HSPD1: variants seen among roughly 807,000 people sequenced by gnomAD.
HSPD1 encodes the protein 60 kDa heat shock protein, mitochondrial.
A neutral mutation model predicts 53.0 loss-of-function variants in HSPD1; 3 were observed. The ratio of observed to expected loss-of-function variants is 0.06; its 90% CI spans 0.03 to 0.15. The LOEUF (loss-of-function observed/expected upper bound fraction) is 0.15, where lower values mean the gene tolerates loss of function less well. Ranked by LOEUF, HSPD1 falls within the 10% of genes least tolerant of loss-of-function variation. The probability of loss-of-function intolerance (pLI) is 1.00; values close to 1 mark genes in which losing one functional copy is unlikely to be tolerated. For synonymous variants in HSPD1, 200 were observed against 228.0 expected (o/e 0.88, Z 1.10); for missense variants, 431 against 694.1 (o/e 0.62, Z 4.26).
Position 197,489,224 on chromosome 2 carries a change from G to C in HSPD1, c.993C>G (p.Thr331=), listed in dbSNP as rs200655333. 1.4e-5 allele frequency: 22 copies of C among 1,614,052 alleles called. No individual in the cohort carries two copies. The highest frequency in any genetic ancestry group is 1.1e-4 in the African/African-American group (8 of 75,016). The change falls in exon 9 of 12, where the codon ACC becomes ACG. Residue 331 remains threonine (T), a synonymous_variant. Transcript: ENST00000388968. ...GGAVFGEEGL[T]LNLEDVQPHD... ...GAGGCTGAACGTCTTCAAGATTCAG[G>C]GTCAATCCCTCTTCTCCAAACACCT...
chr2:197,493,601 G>A (rs2086120606), intron 6 of HSPD1, 109 bp from the exon 7 acceptor site: 1 of 793,690 alleles, frequency 1.3e-6, no homozygotes, highest in African/African-American at 1.7e-5. Flanking sequence ...CAGTGAGTTG[G>A]TTTTCCTCCT....
chr2:197,489,700 T>TA (rs2086067729), intron 8 of HSPD1, among the ~76,000 whole-genome samples: 1 of 151,670 alleles, frequency 6.6e-6, no homozygotes, highest in African/African-American at 2.4e-5. Context: ...TTACTAAAAG[T>TA]AAAAAAATTA....
intron 5 of HSPD1, 188 bp downstream of exon 5, chr2:197,494,469 T>C: frequency 4.8e-6 from 3 of 631,230 alleles, no homozygotes; most frequent in Non-Finnish European, 8.5e-6. Flanking sequence ...CAGCAAAGGC[T>C]AATTCACATA....
At chr2:197,488,057 A>C (rs2086047865) in intron 10 of HSPD1, 21 bp from the exon 11 acceptor site, 1 of 1,498,590 alleles carries the variant, frequency 6.7e-7, no homozygotes, top group Non-Finnish European at 9.2e-7. Context: ...ATTTCAGCAA[A>C]ATTTTAATAC....
Position 197,487,937 on chromosome 2 carries a change from C to T in HSPD1, c.1490G>A (p.Ser497Asn), listed in dbSNP as rs765737756. Residue 497 changes from serine (S) to asparagine (N), a missense_variant, in exon 11 of 12, where the codon AGT becomes AAT. Coordinates refer to ENST00000388968, the MANE Select transcript of HSPD1 (RefSeq NM_002156.5). ...AGCATCATAACCAACTTCTGAGGAA[C>T]TTTGCATAATTTTCTCAACTATCAA... is the stretch of plus-strand genomic sequence containing the variant. Reference protein sequence around the residue: ...GSLIVEKIMQSSSEVGYDAMA... With the variant: ...GSLIVEKIMQNSSEVGYDAMA... The T allele has an allele frequency of 3.7e-6, 6 of 1,613,530 alleles. No individual in the cohort carries two copies. Among genetic ancestry groups the T allele is most frequent in the Non-Finnish European group, 1.7e-6 (2 of 1,179,458 alleles).
intron 3 of HSPD1, among the ~76,000 whole-genome samples, chr2:197,496,159 T>C (rs1295223073): frequency 6.6e-6 from 1 of 152,234 alleles, no homozygotes; most frequent in Non-Finnish European, 1.5e-5. Flanking sequence ...GTACGTATTA[T>C]GAACTAACAA....
At chr2:197,496,921 G>A in intron 3 of HSPD1, 3 of 571,814 alleles carry the variant, frequency 5.2e-6, no homozygotes, top group Non-Finnish European at 9.4e-6. Context: ...AAAAACAAAA[G>A]AAACCAACTA....
At chr2:197,491,392 C>A (rs9941536) in intron 7 of HSPD1, among the ~76,000 whole-genome samples, 1 of 152,004 alleles carries the variant, frequency 6.6e-6, no homozygotes, top group Non-Finnish European at 1.5e-5. Context: ...CATCTCCTGA[C>A]CTCATGATCC....
Position 197,493,370 on chromosome 2 carries a change from C to T in HSPD1, c.823G>A (p.Ala275Thr), listed in dbSNP as rs953604247. ...AGAGCTTCTCCATCAACATCTTCAG[C>T]GATTATGACCAAAGGCTTACGGTGA... ...NAHRKPLVIIAEDVDGEALST... is the reference protein window; with the variant it reads ...NAHRKPLVIITEDVDGEALST... The change falls in exon 7 of 12, where the codon GCT becomes ACT. Residue 275 changes from alanine to threonine, a missense_variant. This residue lies in a region of HSPD1 where 386 missense variants were observed against 657.6 expected (regional missense o/e 0.59). Transcript: ENST00000388968. 14 of 1,613,524 alleles carry T rather than the reference C, an allele frequency of 8.7e-6. No individual in the cohort carries two copies. Among genetic ancestry groups the T allele is most frequent in the Middle Eastern group, 1.6e-4 (1 of 6,078 alleles).
intron 7 of HSPD1, among the ~76,000 whole-genome samples, chr2:197,492,486 G>A (rs930828669): frequency 2.6e-5 from 4 of 152,054 alleles, no homozygotes; most frequent in African/African-American, 7.2e-5. Flanking sequence ...CACCATGCCT[G>A]GCTCTGAGTT....
chr2:197,491,803 C>CAAAGG (rs1292534632), intron 7 of HSPD1, among the ~76,000 whole-genome samples: 5,011 of 152,242 alleles, frequency 0.033, 259 homozygotes, highest in African/African-American at 0.11. Context: ...GTGCTATTTT[C>CAAAGG]TCTACTTCAG....
At chr2:197,492,161 T>TA (rs886649547) in intron 7 of HSPD1, among the ~76,000 whole-genome samples, 35 of 151,978 alleles carry the variant, frequency 2.3e-4, no homozygotes, top group Non-Finnish European at 4.3e-4. Context: ...TCAAAATAAA[T>TA]AAAAATATTC....
chr2:197,490,367 G>A (rs1422309921), intron 7 of HSPD1, 71 bp from the exon 8 acceptor site: 4 of 1,189,830 alleles, frequency 3.4e-6, no homozygotes, highest in Non-Finnish European at 5.0e-6. Context: ...CCCTCAAGCT[G>A]TTACTAGATT....
At chr2:197,495,119 T>C in intron 4 of HSPD1, 175 bp downstream of exon 4, 2 of 631,180 alleles carry the variant, frequency 3.2e-6, no homozygotes, top group Non-Finnish European at 5.7e-6. Flanking sequence ...TAGAACTAAA[T>C]GACAACCATT....
chr2:197,490,423 GTTTT>G (rs376444325), intron 7 of HSPD1, 127 bp from the exon 8 acceptor site: 2 of 579,120 alleles, frequency 3.5e-6, no homozygotes, highest in Non-Finnish European at 3.0e-6. Context: ...GTGTTTTTTT[GTTTT>G]TTTTTTGCTT....
At chr2:197,488,061 T>G (rs765579030) in intron 10 of HSPD1, 25 bp from the exon 11 acceptor site, 6 of 1,475,364 alleles carry the variant, frequency 4.1e-6, no homozygotes, top group Non-Finnish European at 5.6e-6. Context: ...CAGCAAAATT[T>G]TAATACTTTC....
chr2:197,493,586 T>G lies in HSPD1; in HGVS notation c.701-94A>C, dbSNP rs144462567. ...ACCAAGGTTCCAATACACTTTAAAA[T>G]TCACCAGTGAGTTGGTTTTCCTCCT... On this transcript the variant is annotated intron_variant, in intron 6 of 11. Coordinates refer to ENST00000388968, the MANE Select transcript of HSPD1 (RefSeq NM_002156.5). 1,351 of 890,100 alleles carry G rather than the reference T, an allele frequency of 1.5e-3. 17 individuals carry two copies. The African/African-American group carries it at 0.018, about 12-fold the overall frequency. The allele number at this position is 890,100 out of a possible 1,614,324, so 55.1% of individuals were successfully genotyped here.
rs775463346 is a variant in HSPD1 at position 197,493,378 on chromosome 2, A to G, written c.815T>C (p.Val272Ala). 7 of 1,613,924 alleles carry G rather than the reference A, an allele frequency of 4.3e-6. No homozygotes were observed. The highest frequency in any genetic ancestry group is 5.9e-6 in the Non-Finnish European group (7 of 1,179,852). ...TCCATCAACATCTTCAGCGATTATG[A>G]CCAAAGGCTTACGGTGAGCATTGGC... ...EIANAHRKPL[V>A]IIAEDVDGEA... The change falls in exon 7 of 12, where the codon GTC becomes GCC. Residue 272 changes from valine to alanine, a missense_variant. Around this residue, in one of 2 missense-constraint regions of HSPD1, gnomAD observed 386 missense variants for 657.6 expected, o/e 0.59. Transcript: ENST00000388968.
intron 5 of HSPD1, chr2:197,494,455 C>T (rs887838597): frequency 1.9e-5 from 12 of 630,396 alleles, no homozygotes; most frequent in Non-Finnish European, 3.1e-5. Context: ...GGATTCATTT[C>T]ATGCAGCAAA....
Sources: allele counts gnomAD v4.1 joint callset (sites outside exome capture counted in the v4.1 genomes callset), GRCh38; gene constraint gnomAD v4.1.1; regional missense constraint gnomAD v4.1.1; transcripts MANE v1.5; gene names NCBI Gene and HGNC (gene_info 2026-07-23, HGNC 2026-07-21).